PABPC4L: variants seen among roughly 807,000 people sequenced by gnomAD.
PABPC4L encodes poly(A) binding protein cytoplasmic 4 like.
For synonymous variants in PABPC4L, 169 were observed against 164.1 expected (o/e 1.03, Z -0.23); for missense variants, 452 against 451.4 (o/e 1.00, Z -0.01).
the PABPC4L span, among the ~76,000 whole-genome samples, chr4:134,081,637 C>T: frequency 7.2e-5 from 11 of 151,986 alleles, no homozygotes; most frequent in Non-Finnish European, 1.2e-4. Flanking sequence ...GAAAATCCTG[C>T]ATAGCCAACG....
At chr4:134,103,797 C>T in the PABPC4L span, among the ~76,000 whole-genome samples, 1 of 151,676 alleles carries the variant, frequency 6.6e-6, no homozygotes, top group Non-Finnish European at 1.5e-5. Context: ...TCATCGATAA[C>T]TGAAAAGCAG....
the PABPC4L span, among the ~76,000 whole-genome samples, chr4:134,077,593 T>G: frequency 6.6e-6 from 1 of 152,138 alleles, no homozygotes; most frequent in Non-Finnish European, 1.5e-5. Flanking sequence ...ATCGTAGTAG[T>G]GTCTCCAGTT....
the PABPC4L span, among the ~76,000 whole-genome samples, chr4:134,136,899 A>G: frequency 6.6e-6 from 1 of 151,936 alleles, no homozygotes; most frequent in Non-Finnish European, 1.5e-5. Flanking sequence ...TTCTCCTCTG[A>G]GCTATAGTTA....
the PABPC4L span, among the ~76,000 whole-genome samples, chr4:134,172,159 A>G: frequency 6.6e-6 from 1 of 152,182 alleles, no homozygotes; most frequent in Non-Finnish European, 1.5e-5. Context: ...CAGAATTAGA[A>G]AAAAGTATTC....
the PABPC4L span, among the ~76,000 whole-genome samples, chr4:134,190,320 A>G: frequency 6.6e-6 from 1 of 152,154 alleles, no homozygotes; most frequent in Admixed American, 6.6e-5. Context: ...AGTTGTTGTT[A>G]GAATAATGTG....
At chr4:133,988,830 C>A in the PABPC4L span, among the ~76,000 whole-genome samples, 2 of 152,180 alleles carry the variant, frequency 1.3e-5, no homozygotes, top group Non-Finnish European at 2.9e-5. Context: ...GAGGGCTCTG[C>A]CCCTGCAACG....
the PABPC4L span, among the ~76,000 whole-genome samples, chr4:134,184,629 C>A: frequency 6.6e-6 from 1 of 151,940 alleles, no homozygotes; most frequent in Non-Finnish European, 1.5e-5. Context: ...ACCACAGTAC[C>A]ACAGTGTATT....
the PABPC4L span, among the ~76,000 whole-genome samples, chr4:134,011,833 A>C: frequency 6.6e-6 from 1 of 152,136 alleles, no homozygotes; most frequent in Non-Finnish European, 1.5e-5. Context: ...GGAATTGCTT[A>C]AGCAAATACT....
At chr4:134,116,310 T>C in the PABPC4L span, among the ~76,000 whole-genome samples, 2 of 151,834 alleles carry the variant, frequency 1.3e-5, no homozygotes, top group Non-Finnish European at 2.9e-5. Context: ...CAGCTTACAA[T>C]GGCAGAAACT....
chr4:134,161,279 T>G, the PABPC4L span, among the ~76,000 whole-genome samples: 1 of 149,956 alleles, frequency 6.7e-6, no homozygotes, highest in Non-Finnish European at 1.5e-5. Context: ...GCCTATAGGA[T>G]CTACAAAATA....
the PABPC4L span, among the ~76,000 whole-genome samples, chr4:134,129,136 T>G: frequency 9.2e-5 from 14 of 152,028 alleles, no homozygotes; most frequent in African/African-American, 3.4e-4. Flanking sequence ...CAATCCTAAA[T>G]ATATATGCAC....
At chr4:134,147,751 GT>G in the PABPC4L span, among the ~76,000 whole-genome samples, 313 of 121,678 alleles carry the variant, frequency 2.6e-3, 1 homozygote, top group Middle Eastern at 4.0e-3. Context: ...GTGTGTGTGT[GT>G]TGTTGTTGTT....
At chr4:134,011,804 C>T in the PABPC4L span, among the ~76,000 whole-genome samples, 4 of 152,056 alleles carry the variant, frequency 2.6e-5, no homozygotes, top group Non-Finnish European at 4.4e-5. Flanking sequence ...TATTTCTTGA[C>T]TCAATCATTC....
the PABPC4L span, among the ~76,000 whole-genome samples, chr4:134,017,915 G>A: frequency 8.6e-5 from 13 of 151,862 alleles, no homozygotes; most frequent in South Asian, 1.0e-3. Context: ...AATTTTCGCC[G>A]TCCCAACACT....
chr4:134,200,449 T>A lies in PABPC4L; in HGVS notation c.571A>T (p.Asn191Tyr), dbSNP rs2125709913. The A allele has an allele frequency of 6.4e-7, 1 of 1,551,876 alleles. No homozygotes were observed. The highest frequency in any genetic ancestry group is 1.2e-5 in the South Asian group (1 of 84,082). Reference sequence around the variant, plus strand: ...CCTCCAAAGTTTTTTATGTAAACATTGGTGAATTCACTGGCTTTGCTTCTG... The same window carrying A: ...CCTCCAAAGTTTTTTATGTAAACATAGGTGAATTCACTGGCTTTGCTTCTG... ...ELRSKASEFT[N>Y]VYIKNFGGDM... The change falls in exon 2 of 2, where the codon AAT becomes TAT. Residue 191 changes from asparagine (N) to tyrosine (Y), a missense_variant. Asn to Tyr is a moderately radical substitution (Grantham distance 143). Transcript: ENST00000421491.
Position 134,196,397 on chromosome 4 carries a change from A to T in PABPC4L, c.*3510T>A, listed in dbSNP as rs1428519601. ...CAGTGGATCTATAACAATATTGAGA[A>T]CATGAAAATGACAATATTAAATCAC... On this transcript the variant is annotated 3_prime_UTR_variant, in exon 2 of 2. Coordinates refer to ENST00000421491, the MANE Select transcript of PABPC4L (RefSeq NM_001114734.2). The T allele has an allele frequency of 4.6e-5, 7 of 151,716 alleles. No individual in the cohort carries two copies. The highest frequency in any genetic ancestry group is 2.0e-4 in the Admixed American group (3 of 15,206). The allele number at this position is 151,716 out of a possible 1,614,324, so 9.4% of individuals were successfully genotyped here.
chr4:134,119,710 C>T, the PABPC4L span, among the ~76,000 whole-genome samples: 1 of 151,648 alleles, frequency 6.6e-6, no homozygotes, highest in Admixed American at 6.6e-5. Context: ...CAGAAACAAC[C>T]TATGTGCCCT....
chr4:134,038,185 G>T, the PABPC4L span, among the ~76,000 whole-genome samples: 10 of 152,134 alleles, frequency 6.6e-5, no homozygotes, highest in Non-Finnish European at 1.3e-4. Flanking sequence ...CTTGATCATG[G>T]TGGATAAGCT....
the PABPC4L span, among the ~76,000 whole-genome samples, chr4:134,067,343 A>AT: frequency 6.6e-6 from 1 of 151,844 alleles, no homozygotes; most frequent in African/African-American, 2.4e-5. Context: ...TTGTCTCAGG[A>AT]TTTTTTGTAT....
Sources: allele counts gnomAD v4.1 joint callset (sites outside exome capture counted in the v4.1 genomes callset), GRCh38; gene constraint gnomAD v4.1.1; transcripts MANE v1.5; gene names NCBI Gene and HGNC (gene_info 2026-07-23, HGNC 2026-07-21).